Variants in SAMMSON observed in about 807,000 individuals in gnomAD.
SAMMSON encodes the protein long intergenic non-protein coding RNA 1212.
intron 4 of SAMMSON, among the ~76,000 whole-genome samples, chr3:70,237,979 C>CTTTTTGTTTTTTTTTTTTTTTT (rs1701628018): frequency 2.0e-5 from 1 of 48,932 alleles, no homozygotes; most frequent in Non-Finnish European, 3.2e-5. Flanking sequence ...TGAGTGGTAT[C>CTTTTTGTTTTTTTTTTTTTTTT]TTTTTTTTTT....
At chr3:70,089,542 G>T (rs2067298062) in intron 4 of SAMMSON, among the ~76,000 whole-genome samples, 1 of 151,464 alleles carries the variant, frequency 6.6e-6, no homozygotes, top group African/African-American at 2.4e-5. Context: ...ATGGACGGGG[G>T]GTGGGGGTGG....
At chr3:70,143,646 A>C (rs1322541368) in intron 4 of SAMMSON, among the ~76,000 whole-genome samples, 1 of 152,102 alleles carries the variant, frequency 6.6e-6, no homozygotes, top group Non-Finnish European at 1.5e-5. Flanking sequence ...ACACTCCAGC[A>C]GTTTGCTGGG....
intron 3 of SAMMSON, among the ~76,000 whole-genome samples, chr3:70,019,023 G>A (rs1187162677): frequency 9.9e-5 from 15 of 151,348 alleles, no homozygotes; most frequent in Non-Finnish European, 1.8e-4. Context: ...ATTTTGGAAT[G>A]AGTGCGATGT....
intron 8 of SAMMSON, among the ~76,000 whole-genome samples, chr3:70,356,346 C>G (rs527753370): frequency 6.6e-6 from 1 of 152,224 alleles, no homozygotes; most frequent in African/African-American, 2.4e-5. Context: ...TTCTAGTTTT[C>G]TTTCTGTGCC....
At chr3:70,083,894 A>G (rs935205398) in intron 4 of SAMMSON, among the ~76,000 whole-genome samples, 6 of 152,142 alleles carry the variant, frequency 3.9e-5, no homozygotes, top group African/African-American at 1.2e-4. Flanking sequence ...TGTAAGCTGC[A>G]TTCCAAGTAG....
At chr3:70,078,371 G>A (rs372202966) in intron 4 of SAMMSON, among the ~76,000 whole-genome samples, 13 of 152,256 alleles carry the variant, frequency 8.5e-5, no homozygotes, top group Admixed American at 3.3e-4. Flanking sequence ...TGCAGGTGCC[G>A]TTTGAAAGGT....
chr3:70,347,368 T>A (rs1027864492), intron 7 of SAMMSON, among the ~76,000 whole-genome samples: 4 of 152,226 alleles, frequency 2.6e-5, no homozygotes, highest in Non-Finnish European at 5.9e-5. Flanking sequence ...CAAACTTGGC[T>A]CTTGGCTTTT....
At chr3:70,053,305 T>G (rs1409487751) in intron 3 of SAMMSON, among the ~76,000 whole-genome samples, 1 of 152,168 alleles carries the variant, frequency 6.6e-6, no homozygotes, top group African/African-American at 2.4e-5. Context: ...ATAGGGAGCC[T>G]GTAGCCTTTT....
chr3:70,106,436 G>A (rs990620648), intron 4 of SAMMSON, among the ~76,000 whole-genome samples: 3 of 151,550 alleles, frequency 2.0e-5, no homozygotes, highest in East Asian at 3.9e-4. Context: ...AAACTTATGG[G>A]CTCAAGCAAT....
chr3:70,091,067 T>G (rs1036239415), intron 4 of SAMMSON, among the ~76,000 whole-genome samples: 3 of 152,134 alleles, frequency 2.0e-5, no homozygotes, highest in Non-Finnish European at 4.4e-5. Context: ...CATCCATCCA[T>G]CATAGACCAC....
intron 4 of SAMMSON, among the ~76,000 whole-genome samples, chr3:70,154,903 G>C (rs1374277590): frequency 6.6e-6 from 1 of 151,924 alleles, no homozygotes; most frequent in Non-Finnish European, 1.5e-5. Context: ...ATGCATTGGG[G>C]AGGCAATATC....
At chr3:70,245,863 G>A (rs948601487) in intron 4 of SAMMSON, among the ~76,000 whole-genome samples, 5 of 150,672 alleles carry the variant, frequency 3.3e-5, no homozygotes, top group African/African-American at 7.3e-5. Context: ...AACAATCTCC[G>A]CAGAAGAGGG....
intron 6 of SAMMSON, among the ~76,000 whole-genome samples, chr3:70,290,386 A>T (rs7622664): frequency 2.6e-5 from 4 of 152,182 alleles, no homozygotes; most frequent in Non-Finnish European, 5.9e-5. Context: ...GCCAGGGGTC[A>T]GGGACCCACT....
At chr3:70,040,223 A>G (rs2067101140) in intron 3 of SAMMSON, among the ~76,000 whole-genome samples, 1 of 152,174 alleles carries the variant, frequency 6.6e-6, no homozygotes, top group African/African-American at 2.4e-5. Context: ...TATCATACAC[A>G]GAAAGCAGAT....
At chr3:70,232,494 G>T (rs932757022) in intron 4 of SAMMSON, among the ~76,000 whole-genome samples, 17 of 151,802 alleles carry the variant, frequency 1.1e-4, no homozygotes, top group African/African-American at 4.1e-4. Flanking sequence ...CCGACTCCCG[G>T]GTTCAAGTGA....
chr3:70,039,004 A>T (rs1310990966), intron 3 of SAMMSON, among the ~76,000 whole-genome samples: 1 of 152,116 alleles, frequency 6.6e-6, no homozygotes, highest in Non-Finnish European at 1.5e-5. Flanking sequence ...GGATGTGGTT[A>T]TGTTATATGT....
chr3:70,024,331 C>G (rs940727807), intron 3 of SAMMSON, among the ~76,000 whole-genome samples: 4 of 152,150 alleles, frequency 2.6e-5, no homozygotes, highest in Admixed American at 6.5e-5. Flanking sequence ...TCCACTTCTT[C>G]TAGTTGTCAC....
At chr3:70,267,679 G>A (rs1360091112) in intron 6 of SAMMSON, among the ~76,000 whole-genome samples, 23 of 150,842 alleles carry the variant, frequency 1.5e-4, no homozygotes, top group Admixed American at 1.5e-3. Flanking sequence ...GCCTCCCAGA[G>A]TGCTGGGATT....
chr3:70,065,420 A>G (rs928994457), intron 3 of SAMMSON: 43 of 152,096 alleles, frequency 2.8e-4, no homozygotes, highest in African/African-American at 9.7e-4. Context: ...CCTATTACAG[A>G]TACAGTCTGT....
Sources: allele counts gnomAD v4.1 joint callset (sites outside exome capture counted in the v4.1 genomes callset), GRCh38; gene constraint gnomAD v4.1.1; transcripts MANE v1.5; gene names NCBI Gene and HGNC (gene_info 2026-07-23, HGNC 2026-07-21).